FCHO2: variants seen among roughly 807,000 people sequenced by gnomAD.
FCHO2 encodes FCH and mu domain containing endocytic adaptor 2.
In FCHO2, 43 loss-of-function variants were observed where a neutral mutation model predicts 114.1. The observed-to-expected ratio is 0.38, with a 90% CI of 0.30 to 0.49. The LOEUF (loss-of-function observed/expected upper bound fraction) is 0.49, where lower values mean the gene tolerates loss of function less well. FCHO2 is among the 20% of genes least tolerant of loss of function. The pLI is 0.97. For synonymous variants in FCHO2, 293 were observed against 315.2 expected (o/e 0.93, Z 0.75); for missense variants, 807 against 950.4 (o/e 0.85, Z 1.98).
chr5:73,077,060 T>C (rs1742937511), intron 20 of FCHO2, among the ~76,000 whole-genome samples: 1 of 152,130 alleles, frequency 6.6e-6, no homozygotes, highest in Non-Finnish European at 1.5e-5. Flanking sequence ...GGAATGGTTA[T>C]CACAAAAAAG....
At chr5:72,998,342 C>T (rs1701847264) in intron 5 of FCHO2, among the ~76,000 whole-genome samples, 1 of 151,916 alleles carries the variant, frequency 6.6e-6, no homozygotes, top group African/African-American at 2.4e-5. Context: ...AACAAATTAG[C>T]CAGGCGTGGT....
intron 9 of FCHO2, among the ~76,000 whole-genome samples, chr5:73,035,587 C>T (rs903563359): frequency 3.9e-5 from 6 of 152,116 alleles, no homozygotes; most frequent in South Asian, 2.1e-4. Context: ...ACTGCAGCCT[C>T]GACCTCCCAG....
intron 5 of FCHO2, among the ~76,000 whole-genome samples, chr5:73,001,268 C>T (rs1035399831): frequency 6.6e-6 from 1 of 151,450 alleles, no homozygotes; most frequent in Non-Finnish European, 1.5e-5. Context: ...AGTGTGAGAT[C>T]GCACCATTGC....
At chr5:72,974,251 G>A (rs1275176522) in intron 2 of FCHO2, among the ~76,000 whole-genome samples, 2 of 134,564 alleles carry the variant, frequency 1.5e-5, no homozygotes, top group Non-Finnish European at 3.3e-5. Context: ...CAATTCCTGG[G>A]TATCCTTGTT....
At chr5:73,080,296 A>G (rs1239143847) in intron 22 of FCHO2, among the ~76,000 whole-genome samples, 3 of 152,244 alleles carry the variant, frequency 2.0e-5, no homozygotes, top group Non-Finnish European at 4.4e-5. Flanking sequence ...TTTATCCAGT[A>G]TTAAGAAGGT....
intron 8 of FCHO2, among the ~76,000 whole-genome samples, chr5:73,026,732 C>A (rs548109438): frequency 6.6e-6 from 1 of 151,760 alleles, no homozygotes; most frequent in African/African-American, 2.4e-5. Flanking sequence ...ATTCTGTTGC[C>A]CAGTCTGGAG....
chr5:73,076,313 A>G (rs6883874), intron 20 of FCHO2, among the ~76,000 whole-genome samples: 45,260 of 151,880 alleles, frequency 0.3, 6,971 homozygotes, highest in East Asian at 0.44. Context: ...CTAGACAACT[A>G]TATTTGGAAA....
At chr5:73,012,617 C>CAAAA (rs11358269) in intron 6 of FCHO2, among the ~76,000 whole-genome samples, 1 of 92,504 alleles carries the variant, frequency 1.1e-5, no homozygotes, top group Non-Finnish European at 2.3e-5. Context: ...GACTCCGTCT[C>CAAAA]AAAAAAAAAA....
At chr5:72,978,538 A>G (rs1021111595) in intron 2 of FCHO2, among the ~76,000 whole-genome samples, 3 of 152,182 alleles carry the variant, frequency 2.0e-5, no homozygotes, top group Non-Finnish European at 4.4e-5. Flanking sequence ...TAAATATACA[A>G]TCATGTCATC....
chr5:73,013,034 TATTAA>T (rs1183231845), intron 6 of FCHO2, among the ~76,000 whole-genome samples: 1 of 152,252 alleles, frequency 6.6e-6, no homozygotes, highest in Non-Finnish European at 1.5e-5. Context: ...ATATCTTGTT[TATTAA>T]ATTGCTGAAA....
chr5:72,990,891 G>C, intron 5 of FCHO2, 27 bp downstream of exon 5: 1 of 1,525,186 alleles, frequency 6.6e-7, no homozygotes, highest in Non-Finnish European at 8.8e-7. Context: ...TTACATATCT[G>C]TGGTTTCAAA....
chr5:73,001,960 T>C (rs1057105926), intron 5 of FCHO2, among the ~76,000 whole-genome samples: 1 of 150,032 alleles, frequency 6.7e-6, no homozygotes, highest in African/African-American at 2.5e-5. Flanking sequence ...TTAAAAAGAG[T>C]ACCTTCTTTC....
chr5:72,993,326 T>C (rs1753907813), intron 5 of FCHO2, among the ~76,000 whole-genome samples: 1 of 152,074 alleles, frequency 6.6e-6, no homozygotes, highest in Non-Finnish European at 1.5e-5. Context: ...GTTTTGAAGA[T>C]AGTATGGAGG....
chr5:72,972,718 G>T (rs62360742), intron 2 of FCHO2, among the ~76,000 whole-genome samples: 17,207 of 151,902 alleles, frequency 0.11, 1,409 homozygotes, highest in East Asian at 0.34. Flanking sequence ...AATTGCCCTG[G>T]CTAGAACTTC....
At chr5:73,020,490 A>G (rs367729803) in intron 8 of FCHO2, among the ~76,000 whole-genome samples, 3 of 152,352 alleles carry the variant, frequency 2.0e-5, no homozygotes, top group Admixed American at 6.5e-5. Context: ...CTGAACAGAA[A>G]TAGACTGGGT....
intron 2 of FCHO2, among the ~76,000 whole-genome samples, chr5:72,977,480 T>C (rs1380523236): frequency 6.6e-6 from 1 of 152,224 alleles, no homozygotes; most frequent in Non-Finnish European, 1.5e-5. Flanking sequence ...GTTGTTTTTT[T>C]CTTGTAAATT....
intron 1 of FCHO2, among the ~76,000 whole-genome samples, chr5:72,963,185 C>T (rs62360698): frequency 0.12 from 17,904 of 152,100 alleles, 1,271 homozygotes; most frequent in Non-Finnish European, 0.17. Context: ...AGCACGTTTG[C>T]TTGACTTTAG....
At chr5:73,040,846 C>T (rs1756768574) in intron 10 of FCHO2, among the ~76,000 whole-genome samples, 1 of 152,046 alleles carries the variant, frequency 6.6e-6, no homozygotes, top group Admixed American at 6.5e-5. Flanking sequence ...CTACTTGCTA[C>T]TTAATACTGA....
At chr5:73,010,299 G>A (rs958425331) in intron 6 of FCHO2, among the ~76,000 whole-genome samples, 1 of 152,120 alleles carries the variant, frequency 6.6e-6, no homozygotes, top group African/African-American at 2.4e-5. Flanking sequence ...AAAAATGATT[G>A]AAATTGTGAC....
Sources: gnomAD v4.1 joint callset for allele counts (sites outside exome capture counted in the v4.1 genomes callset) on GRCh38, gnomAD v4.1.1 for gene constraint, MANE v1.5 for transcripts, NCBI Gene and HGNC (gene_info 2026-07-23, HGNC 2026-07-21) for gene names.